Variants in ZBTB40 observed in about 807,000 individuals in gnomAD.
ZBTB40 encodes the protein zinc finger and BTB domain containing 40.
In ZBTB40, 60 loss-of-function variants were observed where a neutral mutation model predicts 117.5. The observed-to-expected ratio is 0.51, with a 90% CI of 0.41 to 0.63. The LOEUF (loss-of-function observed/expected upper bound fraction) is 0.63. ZBTB40 is among the 30% of genes least tolerant of loss of function. The pLI, the probability that ZBTB40 is intolerant of heterozygous loss-of-function variation, is 0.00. For missense variants in ZBTB40, 1,287 were observed against 1,498.5 expected, an observed-to-expected ratio of 0.86 and a Z score of 2.33; for synonymous variants, 525 against 577.1, an observed-to-expected ratio of 0.91 and a Z score of 1.29.
At chr1:22,467,960 A>G (rs1641298016) in intron 1 of ZBTB40, among the ~76,000 whole-genome samples, 1 of 151,704 alleles carries the variant, frequency 6.6e-6, no homozygotes, top group Non-Finnish European at 1.5e-5. Context: ...GTAGTGGCTC[A>G]TGCCTGTAGT....
chr1:22,442,411 T>G (rs1346858509), intron 1 of ZBTB40, among the ~76,000 whole-genome samples: 2 of 150,952 alleles, frequency 1.3e-5, no homozygotes, highest in African/African-American at 4.9e-5. Flanking sequence ...TGGGTTTATA[T>G]GGGGGAGAGA....
chr1:22,519,398 G>C (rs948770840), intron 13 of ZBTB40, among the ~76,000 whole-genome samples: 1 of 152,174 alleles, frequency 6.6e-6, no homozygotes, highest in Non-Finnish European at 1.5e-5. Context: ...TTGTTACTCA[G>C]TTCAGCCATT....
intron 1 of ZBTB40, among the ~76,000 whole-genome samples, chr1:22,467,294 CT>C: frequency 6.6e-6 from 1 of 152,192 alleles, no homozygotes; most frequent in Admixed American, 6.5e-5. Context: ...GTAAAGTATA[CT>C]TTTCCCCACC....
rs747614497 is a variant in ZBTB40 at position 22,524,233 on chromosome 1, G to A, written c.3314G>A (p.Arg1105Gln). Reference sequence around the variant, plus strand: ...TCTCCTCCAGGGTCCCAGCCATTCCGGTGCTTGTACTGTGCTGCTACTTTC... The same window carrying A: ...TCTCCTCCAGGGTCCCAGCCATTCCAGTGCTTGTACTGTGCTGCTACTTTC... The part of the protein sequence containing the change: ...KCQHSGSQPF[R>Q]CLYCAATFRF... Residue 1105 changes from arginine (R) to glutamine (Q), a missense_variant, in exon 17 of 18, where the codon CGG becomes CAG. Physicochemically the swap from Arg to Gln is conservative, Grantham distance 43. Transcript: ENST00000375647. The A allele has an allele frequency of 1.1e-5, 17 of 1,614,070 alleles. No homozygotes were observed. Among genetic ancestry groups the A allele is most frequent in the Admixed American group, 3.3e-5 (2 of 60,006 alleles).
intron 1 of ZBTB40, among the ~76,000 whole-genome samples, chr1:22,440,233 G>A (rs6659354): frequency 0.69 from 104,693 of 152,088 alleles, 39,726 homozygotes; most frequent in East Asian, 0.92. Context: ...GAATCTTTAC[G>A]GTTTTCTATA....
intron 1 of ZBTB40, among the ~76,000 whole-genome samples, chr1:22,478,348 C>T (rs1300667838): frequency 1.3e-5 from 2 of 152,048 alleles, no homozygotes; most frequent in East Asian, 1.9e-4. Context: ...CCTGGGTTCA[C>T]GCCTTTCTCC....
At chr1:22,443,740 CAAA>C (rs1244325239) in intron 1 of ZBTB40, among the ~76,000 whole-genome samples, 6 of 152,310 alleles carry the variant, frequency 3.9e-5, no homozygotes, top group African/African-American at 1.4e-4. Context: ...CAAAATATGT[CAAA>C]GAAATATATT....
At chr1:22,474,205 G>A (rs906079904) in intron 1 of ZBTB40, among the ~76,000 whole-genome samples, 1 of 152,170 alleles carries the variant, frequency 6.6e-6, no homozygotes, top group African/African-American at 2.4e-5. Flanking sequence ...TTCGAGTATC[G>A]CTCCAAATCT....
intron 1 of ZBTB40, among the ~76,000 whole-genome samples, chr1:22,466,175 T>C (rs919817621): frequency 3.9e-5 from 6 of 152,268 alleles, no homozygotes; most frequent in African/African-American, 1.4e-4. Flanking sequence ...TTACTTAGCA[T>C]AATGTTTTCA....
intron 17 of ZBTB40, among the ~76,000 whole-genome samples, chr1:22,524,832 A>G (rs191383768): frequency 4.6e-5 from 7 of 152,338 alleles, no homozygotes; most frequent in Admixed American, 3.9e-4. Context: ...GACACAGTAC[A>G]CACTTGCACA....
intron 13 of ZBTB40, chr1:22,517,731 G>A (rs990223991): frequency 8.6e-5 from 37 of 431,276 alleles, no homozygotes; most frequent in African/African-American, 6.0e-4. Context: ...TCCAACAGAG[G>A]CAAATTTTGT....
chr1:22,522,276 A>T, intron 15 of ZBTB40, 101 bp from the exon 16 acceptor site: 2 of 1,056,986 alleles, frequency 1.9e-6, no homozygotes, highest in Non-Finnish European at 3.0e-6. Flanking sequence ...GATGCTTGCT[A>T]AGTATTGGCC....
At chr1:22,477,899 C>G (rs1641589844) in intron 1 of ZBTB40, among the ~76,000 whole-genome samples, 1 of 152,154 alleles carries the variant, frequency 6.6e-6, no homozygotes, top group Non-Finnish European at 1.5e-5. Context: ...CCTTCTTCCC[C>G]TTTCCCACCT....
At chr1:22,452,489 A>G (rs1569759015) in intron 1 of ZBTB40, among the ~76,000 whole-genome samples, 3 of 152,330 alleles carry the variant, frequency 2.0e-5, no homozygotes, top group East Asian at 3.9e-4. Context: ...GTTCTATGAA[A>G]TCAAGTCCAT....
intron 1 of ZBTB40, among the ~76,000 whole-genome samples, chr1:22,467,100 T>C (rs1357615862): frequency 6.6e-6 from 1 of 152,188 alleles, no homozygotes; most frequent in East Asian, 1.9e-4. Context: ...GCGAATATAG[T>C]GTACATAAAT....
At chr1:22,480,404 C>T (rs962617975) in intron 1 of ZBTB40, among the ~76,000 whole-genome samples, 5 of 152,112 alleles carry the variant, frequency 3.3e-5, no homozygotes, top group Non-Finnish European at 5.9e-5. Context: ...TCAAAGGTCC[C>T]CTCTGACATT....
At chr1:22,491,366 A>G in intron 2 of ZBTB40, 34 bp from the exon 3 acceptor site, 1 of 1,611,616 alleles carries the variant, frequency 6.2e-7, no homozygotes, top group Non-Finnish European at 8.5e-7. Context: ...CAAGTAATGA[A>G]TTTCTGATTT....
chr1:22,478,062 A>G (rs1641592836), intron 1 of ZBTB40, among the ~76,000 whole-genome samples: 1 of 152,140 alleles, frequency 6.6e-6, no homozygotes, highest in Admixed American at 6.5e-5. Context: ...CTCTTAGAAC[A>G]CCCTAACTTT....
chr1:22,443,605 G>C (rs1426969955), intron 1 of ZBTB40, among the ~76,000 whole-genome samples: 2 of 152,134 alleles, frequency 1.3e-5, no homozygotes, highest in Non-Finnish European at 2.9e-5. Context: ...GTCTCTTTTC[G>C]GATCTTAAAA....
Sources: gnomAD v4.1 joint callset for allele counts (sites outside exome capture counted in the v4.1 genomes callset) on GRCh38, gnomAD v4.1.1 for gene constraint, MANE v1.5 for transcripts, NCBI Gene and HGNC (gene_info 2026-07-23, HGNC 2026-07-21) for gene names.